TENT2: variants seen among roughly 807,000 people sequenced by gnomAD.
TENT2 encodes the protein poly(A) RNA polymerase GLD2.
TENT2 carries 44 observed loss-of-function variants against 72.2 expected under a neutral mutation model. That is an observed-to-expected ratio of 0.61 (90% CI 0.48 to 0.78). The LOEUF is 0.78. Among genes scored for constraint, TENT2 ranks in the 30% least tolerant of loss-of-function variants. The pLI is 0.00. For synonymous variants in TENT2, 212 were observed against 192.5 expected (o/e 1.10, Z -0.84); for missense variants, 541 against 569.6 (o/e 0.95, Z 0.51).
rs1580701526 is a variant in TENT2, at chr5:79,682,213, A to AT, written c.1380+152_1380+153insT. 5.7e-6 allele frequency: 3 copies of AT among 525,280 alleles called. No individual in the cohort carries two copies. In the East Asian group the frequency reaches 9.7e-5, roughly 17 times the overall value. 32.5% of individuals were successfully genotyped at this position (525,280 alleles called of 1,614,324 possible). On this transcript the variant is annotated intron_variant, in intron 14 of 14. Coordinates refer to ENST00000453514, the MANE Select transcript of TENT2 (RefSeq NM_001114394.3). ...GAACTTATTATTTGAATTTAGTTAAACTTTTCCTTCAAAGAGATCTGGCTC... is the reference window on the plus strand; with the variant it reads ...GAACTTATTATTTGAATTTAGTTAAATCTTTTCCTTCAAAGAGATCTGGCTC...
chr5:79,640,547 C>T (rs917535070), intron 4 of TENT2, among the ~76,000 whole-genome samples: 2 of 152,064 alleles, frequency 1.3e-5, no homozygotes, highest in African/African-American at 4.8e-5. Flanking sequence ...TCTCAGGGGC[C>T]ATACTAATAA....
chr5:79,626,187 A>G (rs1333289033), intron 4 of TENT2, among the ~76,000 whole-genome samples: 1 of 151,800 alleles, frequency 6.6e-6, no homozygotes, highest in African/African-American at 2.4e-5. Flanking sequence ...CCAGGCTGGA[A>G]TGCATTGGTG....
At chr5:79,683,219 C>T (rs1001909815) in intron 14 of TENT2, among the ~76,000 whole-genome samples, 2 of 151,878 alleles carry the variant, frequency 1.3e-5, no homozygotes, top group African/African-American at 2.4e-5. Flanking sequence ...TTTGTGAGGC[C>T]AAGGCAGGAG....
At chr5:79,641,263 A>C in intron 6 of TENT2, 67 bp downstream of exon 6, 1 of 1,366,204 alleles carries the variant, frequency 7.3e-7, no homozygotes. Context: ...TTTACATAAA[A>C]GTCATTGAGG....
chr5:79,637,729 C>T (rs1174829326), intron 4 of TENT2, among the ~76,000 whole-genome samples: 1 of 151,610 alleles, frequency 6.6e-6, no homozygotes, highest in Non-Finnish European at 1.5e-5. Context: ...CATGCCCAGC[C>T]GTGTGCTACT....
At chr5:79,667,114 A>G (rs1182224106) in intron 11 of TENT2, among the ~76,000 whole-genome samples, 1 of 152,182 alleles carries the variant, frequency 6.6e-6, no homozygotes, top group African/African-American at 2.4e-5. Context: ...TCTTAATGTC[A>G]TAATTGCTGA....
At chr5:79,633,809 GTT>G (rs1777702070) in intron 4 of TENT2, among the ~76,000 whole-genome samples, 1 of 150,882 alleles carries the variant, frequency 6.6e-6, no homozygotes, top group Non-Finnish European at 1.5e-5. Context: ...CCATGTGAAG[GTT>G]ATACAGTGTT....
intron 11 of TENT2, among the ~76,000 whole-genome samples, chr5:79,668,476 A>C (rs1166116889): frequency 6.6e-6 from 1 of 151,816 alleles, no homozygotes; most frequent in African/African-American, 2.4e-5. Flanking sequence ...GACAGAAAAA[A>C]CTCTTACTTT....
intron 3 of TENT2, among the ~76,000 whole-genome samples, chr5:79,621,535 G>T (rs1189050939): frequency 6.6e-6 from 1 of 152,020 alleles, no homozygotes; most frequent in Non-Finnish European, 1.5e-5. Flanking sequence ...GAGGCAGGCA[G>T]ATCACGAGGT....
intron 8 of TENT2, 130 bp from the exon 9 acceptor site, chr5:79,648,487 C>A: frequency 1.6e-6 from 1 of 620,784 alleles, no homozygotes; most frequent in Non-Finnish European, 2.8e-6. Flanking sequence ...TTTAAAAACA[C>A]AGATCTATGG....
intron 13 of TENT2, among the ~76,000 whole-genome samples, chr5:79,680,711 T>G (rs1003789513): frequency 3.3e-5 from 5 of 152,208 alleles, no homozygotes; most frequent in Non-Finnish European, 5.9e-5. Context: ...AGTCTTTCGC[T>G]TTCAGCTTTA....
chr5:79,645,240 T>TAAAA, intron 8 of TENT2, 48 bp downstream of exon 8: 1 of 1,368,592 alleles, frequency 7.3e-7, no homozygotes, highest in Non-Finnish European at 1.0e-6. Flanking sequence ...AGATCATTTT[T>TAAAA]AGATACTCAT....
chr5:79,667,747 TA>T (rs1809483755), intron 11 of TENT2, among the ~76,000 whole-genome samples: 1 of 152,148 alleles, frequency 6.6e-6, no homozygotes, highest in South Asian at 2.1e-4. Flanking sequence ...TTTTTATTCA[TA>T]TTTTGGGGGC....
At position 79,640,765 on chromosome 5, in the gene TENT2, A is replaced by G. The variant is rs2150405136; in HGVS notation, c.466-86A>G. ...ACATACTCCCTTTTAAAATAGTGTC[A>G]GTATAATTGATTTATGCTTCTCCAT... is the stretch of plus-strand genomic sequence containing the variant. On this transcript the variant is annotated intron_variant, in intron 4 of 14. Transcript: ENST00000453514. 3 of 692,524 alleles carry G rather than the reference A, an allele frequency of 4.3e-6. No individual in the cohort carries two copies. In the South Asian group the frequency reaches 6.3e-5, roughly 15 times the overall value. 42.9% of individuals were successfully genotyped at this position (692,524 alleles called of 1,614,324 possible).
rs147845148 is a variant in TENT2, at chr5:79,681,879, G to A, written c.1301-103G>A. ...TGACCCATCTGAAATTGCAATTTTT[G>A]TAGGTTAAAAACTGTTAACATATTG... On this transcript the variant is annotated intron_variant, in intron 13 of 14. Transcript: ENST00000453514. The A allele has an allele frequency of 1.8e-5, 16 of 910,614 alleles. No homozygotes were observed. In the African/African-American group the frequency reaches 2.4e-4, roughly 13 times the overall value. 56.4% of individuals were successfully genotyped at this position (910,614 alleles called of 1,614,324 possible).
At position 79,645,104 on chromosome 5, in the gene TENT2, A is replaced by G; in HGVS notation, c.752-19A>G. 1.3e-6 allele frequency: 2 copies of G among 1,579,624 alleles called. No individual in the cohort carries two copies. The highest frequency in any genetic ancestry group is 1.4e-5 in the African/African-American group (1 of 72,928). ...TCTAGAAACATTTGCAGCTATTCAC[A>G]TTATCTTTTGTCTTTCAGCGGGCTA... On this transcript the variant is annotated intron_variant, in intron 7 of 14. Transcript: ENST00000453514.
intron 12 of TENT2, among the ~76,000 whole-genome samples, chr5:79,678,722 G>A (rs1263023181): frequency 2.0e-5 from 3 of 151,912 alleles, no homozygotes; most frequent in East Asian, 3.9e-4. Flanking sequence ...CACTTCTATC[G>A]AAAATTTCAA....
intron 4 of TENT2, among the ~76,000 whole-genome samples, chr5:79,636,019 TTTC>T (rs1376509270): frequency 1.3e-5 from 2 of 152,210 alleles, no homozygotes; most frequent in Non-Finnish European, 2.9e-5. Context: ...CATATTCTTT[TTTC>T]TTTTCTTTTT....
At chr5:79,676,714 T>C (rs1297255781) in intron 12 of TENT2, among the ~76,000 whole-genome samples, 1 of 152,232 alleles carries the variant, frequency 6.6e-6, no homozygotes, top group Non-Finnish European at 1.5e-5. Context: ...ATTTAAAAGA[T>C]GATCATGTAT....
Sources: gnomAD v4.1 joint callset for allele counts (sites outside exome capture counted in the v4.1 genomes callset) on GRCh38, gnomAD v4.1.1 for gene constraint, MANE v1.5 for transcripts, NCBI Gene and HGNC (gene_info 2026-07-23, HGNC 2026-07-21) for gene names.